Variants in LIN52 observed in about 807,000 individuals in gnomAD.
The protein encoded by LIN52 is lin-52 DREAM MuvB core complex component, also known as protein lin-52 homolog.
In LIN52, 4 loss-of-function variants were observed where a neutral mutation model predicts 18.5. The observed-to-expected ratio is 0.22, with a 90% CI of 0.11 to 0.49. LIN52 has a LOEUF of 0.49. LIN52 is among the 20% of genes least tolerant of loss of function. LIN52 has a pLI of 0.97. For missense variants in LIN52, 102 were observed against 139.5 expected (o/e 0.73, Z 1.35); for synonymous variants, 34 against 45.5 (o/e 0.75, Z 1.02).
At chr14:74,160,759 C>T (rs975153063) in intron 5 of LIN52, among the ~76,000 whole-genome samples, 2 of 152,164 alleles carry the variant, frequency 1.3e-5, no homozygotes. Context: ...TTCTACTAGA[C>T]ACTTTGCTCA....
At chr14:74,159,246 C>A (rs1259332183) in intron 5 of LIN52, among the ~76,000 whole-genome samples, 5 of 151,956 alleles carry the variant, frequency 3.3e-5, no homozygotes, top group Non-Finnish European at 5.9e-5. Context: ...AAAAAAAAAT[C>A]TTACCCAAGT....
At chr14:74,192,897 A>G (rs1466636191) in intron 5 of LIN52, 2 of 155,198 alleles carry the variant, frequency 1.3e-5, no homozygotes, top group East Asian at 3.8e-4. Flanking sequence ...GAAAACTACA[A>G]CTCCGTTGAA....
At chr14:74,111,316 A>G (rs1225129586) in intron 5 of LIN52, among the ~76,000 whole-genome samples, 3 of 152,114 alleles carry the variant, frequency 2.0e-5, no homozygotes, top group African/African-American at 7.2e-5. Context: ...TTTTGGAGAC[A>G]GGGTCTCTGT....
At position 74,139,544 on chromosome 14, in the gene LIN52, T is replaced by C. The variant is rs957363650; in HGVS notation, c.283+38306T>C. 1.2e-4 allele frequency among the ~76,000 whole-genome samples: 18 copies of C among 152,182 alleles called. No homozygotes were observed. The East Asian group carries it at 1.5e-3, about 13-fold the overall frequency. On this transcript the variant is annotated intron_variant, in intron 5 of 5. Transcript: ENST00000555028. ...AAAGGATCTTGCAGACCTTTTTTTT[T>C]CCCCCTCCCTTTGGCTATTTCTCCA...
intron 5 of LIN52, among the ~76,000 whole-genome samples, chr14:74,119,926 C>G (rs1431760954): frequency 6.6e-6 from 1 of 151,734 alleles, no homozygotes; most frequent in Non-Finnish European, 1.5e-5. Context: ...ATGTCTACCT[C>G]CTGGGTTCAA....
At chr14:74,103,193 C>T (rs2060871135) in intron 5 of LIN52, among the ~76,000 whole-genome samples, 1 of 152,098 alleles carries the variant, frequency 6.6e-6, no homozygotes, top group Non-Finnish European at 1.5e-5. Context: ...ATTTTCCTCC[C>T]TCAGCCTCCT....
chr14:74,099,149 A>T (rs2060836630), intron 4 of LIN52, among the ~76,000 whole-genome samples: 1 of 152,246 alleles, frequency 6.6e-6, no homozygotes, highest in East Asian at 1.9e-4. Flanking sequence ...AAGATTCATG[A>T]TGATTGTGAA....
At chr14:74,150,143 A>G (rs1346898140) in intron 5 of LIN52, among the ~76,000 whole-genome samples, 1 of 152,182 alleles carries the variant, frequency 6.6e-6, no homozygotes, top group Non-Finnish European at 1.5e-5. Context: ...ATGCCTCAGT[A>G]ATTTTTATGC....
At chr14:74,125,100 C>A (rs2061021233) in intron 5 of LIN52, among the ~76,000 whole-genome samples, 1 of 152,106 alleles carries the variant, frequency 6.6e-6, no homozygotes, top group African/African-American at 2.4e-5. Flanking sequence ...AAGAAATTAG[C>A]ATGTTTTATA....
At chr14:74,090,106 C>T (rs1022837617) in intron 1 of LIN52, among the ~76,000 whole-genome samples, 1 of 151,098 alleles carries the variant, frequency 6.6e-6, no homozygotes, top group Admixed American at 6.6e-5. Flanking sequence ...GCAACCTCCA[C>T]CTCCCAGGTT....
chr14:74,163,988 T>TTC (rs1428746415), intron 5 of LIN52, among the ~76,000 whole-genome samples: 3 of 151,766 alleles, frequency 2.0e-5, no homozygotes, highest in African/African-American at 7.3e-5. Flanking sequence ...ACTGAAATTT[T>TTC]TTTTTTTTTT....
chr14:74,189,571 G>T (rs1038005096), intron 5 of LIN52, among the ~76,000 whole-genome samples: 1 of 152,206 alleles, frequency 6.6e-6, no homozygotes. Flanking sequence ...AGGATGATAA[G>T]AATACATATT....
chr14:74,149,061 C>A (rs1291505468), intron 5 of LIN52, among the ~76,000 whole-genome samples: 1 of 152,218 alleles, frequency 6.6e-6, no homozygotes, highest in African/African-American at 2.4e-5. Flanking sequence ...TAAATGTTAA[C>A]TTCCTGTGAC....
chr14:74,176,540 A>C (rs7142674), intron 5 of LIN52, among the ~76,000 whole-genome samples: 119,221 of 152,114 alleles, frequency 0.78, 47,048 homozygotes, highest in Non-Finnish European at 0.83. Flanking sequence ...ATTGTGTGTG[A>C]TGAACTTTTA....
intron 5 of LIN52, among the ~76,000 whole-genome samples, chr14:74,132,594 C>T (rs1235752026): frequency 2.6e-5 from 4 of 152,238 alleles, no homozygotes; most frequent in East Asian, 1.9e-4. Context: ...CTGCAACCTC[C>T]GCCTCCCCGG....
chr14:74,087,142 G>A (rs758074920), intron 1 of LIN52, among the ~76,000 whole-genome samples: 9 of 152,094 alleles, frequency 5.9e-5, no homozygotes, highest in Admixed American at 3.9e-4. Flanking sequence ...TTGGCTTGGC[G>A]TGGTGGCTCA....
intron 5 of LIN52, among the ~76,000 whole-genome samples, chr14:74,127,013 GAA>G (rs2139932136): frequency 6.6e-6 from 1 of 152,288 alleles, no homozygotes; most frequent in Non-Finnish European, 1.5e-5. Flanking sequence ...TTCCTGAGCT[GAA>G]AAAATGAAGT....
At chr14:74,110,630 A>C (rs539962617) in intron 5 of LIN52, among the ~76,000 whole-genome samples, 1 of 151,534 alleles carries the variant, frequency 6.6e-6, no homozygotes, top group South Asian at 2.1e-4. Context: ...AGATTATGCC[A>C]CTGCACTCCA....
intron 1 of LIN52, 132 bp from the exon 2 acceptor site, chr14:74,091,100 G>T (rs1362991801): frequency 3.6e-6 from 2 of 559,262 alleles, no homozygotes; most frequent in Non-Finnish European, 6.5e-6. Flanking sequence ...CGGACCAGTG[G>T]CATCAATAGT....
Sources: gnomAD v4.1 joint callset for allele counts (sites outside exome capture counted in the v4.1 genomes callset) on GRCh38, gnomAD v4.1.1 for gene constraint, MANE v1.5 for transcripts, NCBI Gene and HGNC (gene_info 2026-07-23, HGNC 2026-07-21) for gene names.